The following PVR variants were observed in gnomAD, a reference collection of about 807,000 sequenced individuals.
PVR encodes the protein PVR cell adhesion molecule.
PVR carries 39 observed loss-of-function variants against 43.3 expected under a neutral mutation model. The ratio of observed to expected loss-of-function variants is 0.90; its 90% CI spans 0.70 to 1.18. The LOEUF (loss-of-function observed/expected upper bound fraction) is 1.18. Among genes scored for constraint, PVR ranks in the 50% most tolerant of loss-of-function variants. The pLI is 0.00. For missense variants in PVR, 480 were observed against 549.7 expected (o/e 0.87, Z 1.27); for synonymous variants, 224 against 233.2 (o/e 0.96, Z 0.36).
chr19:44,661,760 G>T lies in PVR; in HGVS notation c.1203G>T (p.Val401=), dbSNP rs774186437. The T allele has an allele frequency of 3.1e-6, 5 of 1,614,026 alleles. No homozygotes were observed. The East Asian group carries it at 1.1e-4, about 36-fold the overall frequency. Residue 401 remains valine (V), a synonymous_variant, in exon 8 of 8, where the codon GTG becomes GTT. Coordinates refer to ENST00000425690, the MANE Select transcript of PVR (RefSeq NM_006505.5). The part of the protein sequence containing the change: ...SANGHVSYSA[V]SRENSSSQDP... ...TCTAGCATGTCTCCTATTCAGCTGT[G>T]AGCAGAGAGAACAGCTCTTCCCAGG...
At chr19:44,656,034 T>C (rs549571213) in intron 4 of PVR, among the ~76,000 whole-genome samples, 2 of 152,064 alleles carry the variant, frequency 1.3e-5, no homozygotes, top group Admixed American at 1.3e-4. Context: ...CACGCCTGGC[T>C]AACCTGGCCC....
intron 2 of PVR, among the ~76,000 whole-genome samples, chr19:44,648,497 T>TA (rs1490364302): frequency 1.3e-5 from 2 of 151,978 alleles, no homozygotes; most frequent in Non-Finnish European, 2.9e-5. Flanking sequence ...CTTTTTTTTT[T>TA]TTTGAGATAG....
At chr19:44,655,583 TG>T (rs1176333129) in intron 4 of PVR, among the ~76,000 whole-genome samples, 1 of 152,232 alleles carries the variant, frequency 6.6e-6, no homozygotes, top group Non-Finnish European at 1.5e-5. Flanking sequence ...GGAATTATGC[TG>T]TACATATAAT....
Position 44,653,948 on chromosome 19 carries a change from G to C in PVR, c.773G>C (p.Gly258Ala). The change falls in exon 4 of 8, where the codon GGC (glycine) becomes GCC (alanine). Residue 258 changes from glycine to alanine, a missense_variant. Coordinates refer to ENST00000425690, the MANE Select transcript of PVR (RefSeq NM_006505.5). ...GGCTATGATAACAACTGGTACCTTG[G>C]CCAGAATGAGGCCACCCTGACCTGC... ...ISGYDNNWYL[G>A]QNEATLTCDA... is the part of the protein sequence containing the mutation. 6.2e-7 allele frequency: 1 copy of C among 1,614,160 alleles called. No individual in the cohort carries two copies. The highest frequency in any genetic ancestry group is 1.1e-5 in the South Asian group (1 of 91,080).
intron 1 of PVR, 147 bp from the exon 2 acceptor site, chr19:44,647,076 T>TCCCCCCCCCCCCCCCCC: frequency 9.3e-6 from 1 of 107,484 alleles, no homozygotes; most frequent in South Asian, 1.8e-4. Context: ...AGTGCCCCAG[T>TCCCCCCCCCCCCCCCCC]TCCCCCTCCC....
In PVR at chr19:44,658,834, G is replaced by A. The variant is rs770140591; in HGVS notation, c.1084G>A (p.Gly362Arg). ...GGTTTTTCTGATCCTGCTGGGGATC[G>A]GGATTTATTTCTATTGGTCCAAATG... Reference protein sequence around the residue: ...ILVFLILLGIGIYFYWSKCSR... With the variant: ...ILVFLILLGIRIYFYWSKCSR... The change falls in exon 6 of 8, where the codon GGG becomes AGG. Residue 362 changes from glycine to arginine, a missense_variant. Physicochemically the swap from Gly to Arg is moderately radical, Grantham distance 125. Coordinates refer to ENST00000425690, the MANE Select transcript of PVR (RefSeq NM_006505.5). The A allele has an allele frequency of 4.3e-6, 7 of 1,613,914 alleles. No homozygotes were observed. The highest frequency in any genetic ancestry group is 1.3e-5 in the African/African-American group (1 of 74,896).
At chr19:44,653,183 A>C (rs1237757643) in intron 3 of PVR, among the ~76,000 whole-genome samples, 1 of 152,166 alleles carries the variant, frequency 6.6e-6, no homozygotes, top group Non-Finnish European at 1.5e-5. Flanking sequence ...CTGGCCCGAC[A>C]ATATAGCATC....
At chr19:44,647,085 C>G in intron 1 of PVR, 138 bp from the exon 2 acceptor site, 1 of 395,086 alleles carries the variant, frequency 2.5e-6, no homozygotes, top group Non-Finnish European at 4.4e-6. Context: ...GTTCCCCCTC[C>G]CCCCACACCC....
In PVR at chr19:44,662,932, A is replaced by C. The variant is rs1973624827; in HGVS notation, c.*1121A>C. The C allele has an allele frequency of 1.3e-5, 2 of 152,210 alleles. No homozygotes were observed. Among genetic ancestry groups the C allele is most frequent in the Admixed American group, 1.3e-4 (2 of 15,280 alleles). The allele number at this position is 152,210 out of a possible 1,614,324, so 9.4% of individuals were successfully genotyped here. A position where few individuals can be genotyped will look rare whatever the true frequency, so the allele number is the denominator to read the frequency against. ...GCAGCTGCCTGGGGGGTGTCCAAGG[A>C]GCAGAGAAAACTACTAGATGTGAAC... On this transcript the variant is annotated 3_prime_UTR_variant, in exon 8 of 8. Transcript: ENST00000425690.
intron 1 of PVR, 140 bp from the exon 2 acceptor site, chr19:44,647,083 T>TCCCCCCCCCCCCCCCCCCCCCCC: frequency 3.3e-5 from 1 of 30,342 alleles, no homozygotes. Flanking sequence ...CAGTTCCCCC[T>TCCCCCCCCCCCCCCCCCCCCCCC]CCCCCCACAC....
chr19:44,651,846 C>T (rs1032174898), intron 3 of PVR, among the ~76,000 whole-genome samples: 5 of 152,158 alleles, frequency 3.3e-5, no homozygotes, highest in African/African-American at 1.2e-4. Context: ...TCTCCAGCGG[C>T]CACCCCATTA....
chr19:44,656,218 A>G (rs1280791290), intron 4 of PVR, among the ~76,000 whole-genome samples: 1 of 152,172 alleles, frequency 6.6e-6, no homozygotes, highest in Non-Finnish European at 1.5e-5. Context: ...GTCATCAGTT[A>G]TTTAACCAGT....
Position 44,657,876 on chromosome 19 carries a change from A to T in PVR, c.957A>T (p.Gly319=), listed in dbSNP as rs780545156. The change falls in exon 5 of 8, where the codon GGA becomes GGT. Residue 319 remains glycine (G), a synonymous_variant. Coordinates refer to ENST00000425690, the MANE Select transcript of PVR (RefSeq NM_006505.5). ...TCTGCAACGTCACCAATGCCCTAGG[A>T]GCTCGCCAGGCAGAACTGACCGTCC... ...TLICNVTNAL[G]ARQAELTVQV... is the part of the protein sequence containing the mutation. 15 of 1,613,778 alleles carry T rather than the reference A, an allele frequency of 9.3e-6. No homozygotes were observed. Among genetic ancestry groups the T allele is most frequent in the Non-Finnish European group, 1.2e-5 (14 of 1,179,918 alleles).
chr19:44,649,412 C>T (rs1021284937), intron 2 of PVR, among the ~76,000 whole-genome samples: 1 of 151,414 alleles, frequency 6.6e-6, no homozygotes, highest in Admixed American at 6.6e-5. Flanking sequence ...GGATTTAAAC[C>T]ATGCCATTCT....
At chr19:44,657,231 A>G (rs957918140) in intron 4 of PVR, among the ~76,000 whole-genome samples, 1 of 152,206 alleles carries the variant, frequency 6.6e-6, no homozygotes, top group Non-Finnish European at 1.5e-5. Flanking sequence ...GGACCAACAA[A>G]GAGGCCACTG....
chr19:44,657,403 G>A (rs1973475548), intron 4 of PVR, among the ~76,000 whole-genome samples: 1 of 152,174 alleles, frequency 6.6e-6, no homozygotes, highest in South Asian at 2.1e-4. Flanking sequence ...AACTGACTTA[G>A]GGTTCACAGG....
At position 44,662,380 on chromosome 19, in the gene PVR, T is replaced by G. The variant is rs1434797873; in HGVS notation, c.*569T>G. The G allele has an allele frequency of 6.5e-6, 1 of 154,360 alleles. No homozygotes were observed. Among genetic ancestry groups the G allele is most frequent in the African/African-American group, 2.4e-5 (1 of 41,482 alleles). 9.6% of individuals were successfully genotyped at this position (154,360 alleles called of 1,614,324 possible). A position where few individuals can be genotyped will look rare whatever the true frequency, so the allele number is the denominator to read the frequency against. ...AAGTCATCCTCCCACCTCAGCCTCCTGAGTAGCTATGACTACAGGTATGTG... is the reference window on the plus strand; with the variant it reads ...AAGTCATCCTCCCACCTCAGCCTCCGGAGTAGCTATGACTACAGGTATGTG... On this transcript the variant is annotated 3_prime_UTR_variant, in exon 8 of 8. Coordinates refer to ENST00000425690, the MANE Select transcript of PVR (RefSeq NM_006505.5).
In PVR at chr19:44,661,778, T is replaced by G. The variant is rs1973598285; in HGVS notation, c.1221T>G (p.Ser407=). ...SYSAVSRENS[S]SQDPQTEGTR The stretch of plus-strand genomic sequence containing the variant: ...CAGCTGTGAGCAGAGAGAACAGCTC[T>G]TCCCAGGATCCACAGACAGAGGGCA... Residue 407 remains serine, a synonymous_variant, in exon 8 of 8, where the codon TCT becomes TCG. Transcript: ENST00000425690. The G allele has an allele frequency of 6.2e-7, 1 of 1,614,024 alleles. No individual in the cohort carries two copies.
intron 3 of PVR, among the ~76,000 whole-genome samples, chr19:44,652,539 G>A (rs1217938986): frequency 6.6e-6 from 1 of 152,108 alleles, no homozygotes; most frequent in Non-Finnish European, 1.5e-5. Context: ...CCTGGCCACA[G>A]TGCCCAGCTA....
Sources: gnomAD v4.1 joint callset for allele counts (sites outside exome capture counted in the v4.1 genomes callset) on GRCh38, gnomAD v4.1.1 for gene constraint, MANE v1.5 for transcripts, NCBI Gene and HGNC (gene_info 2026-07-23, HGNC 2026-07-21) for gene names.